The following MPPED2 variants were observed in gnomAD, a reference collection of about 807,000 sequenced individuals.
MPPED2 encodes the protein metallophosphoesterase domain containing 2.
MPPED2 carries 5 observed loss-of-function variants against 33.0 expected under a neutral mutation model. The observed-to-expected ratio is 0.15, with a 90% CI of 0.08 to 0.32. MPPED2 has a LOEUF of 0.32. MPPED2 is among the 10% of genes least tolerant of loss of function. MPPED2 has a pLI of 1.00. For synonymous variants in MPPED2, 136 were observed against 141.9 expected, an observed-to-expected ratio of 0.96 and a Z score of 0.29; for missense variants, 275 against 372.1, an observed-to-expected ratio of 0.74 and a Z score of 2.15.
chr11:30,513,751 G>A (rs1402360056), intron 3 of MPPED2, among the ~76,000 whole-genome samples: 1 of 151,552 alleles, frequency 6.6e-6, no homozygotes, highest in Non-Finnish European at 1.5e-5. Context: ...GGTATAACAT[G>A]GACAAAAGAG....
chr11:30,509,757 C>T (rs1385069681), intron 3 of MPPED2, among the ~76,000 whole-genome samples: 3 of 152,092 alleles, frequency 2.0e-5, no homozygotes, highest in East Asian at 1.9e-4. Context: ...CCAGGCTTAC[C>T]AAAATTCCAA....
In MPPED2 at chr11:30,538,055, A is replaced by G. The variant is rs569598040; in HGVS notation, c.129-1880T>C. On this transcript the variant is annotated intron_variant, in intron 2 of 6. Transcript: ENST00000358117. ...GACTGTGTCACTCTCTAAAAGTGAT[A>G]AGCAATATCCCTATACCAATAGTTA... 3.9e-5 allele frequency among the ~76,000 whole-genome samples: 6 copies of G among 152,294 alleles called. No individual in the cohort carries two copies. The East Asian group carries it at 1.2e-3, about 29-fold the overall frequency.
At chr11:30,586,692 A>T (rs1426151205), upstream of MPPED2, 1 of 152,254 alleles carries the variant, frequency 6.6e-6, no homozygotes, top group African/African-American at 2.4e-5. This position sits in a 1 kb window ranked among gnomAD's most constrained non-coding sequence, Gnocchi z 4.8. Context: ...CTTTCTCCCA[A>T]ATGGTGTTCT....
chr11:30,528,996 G>A (rs1431174712), intron 3 of MPPED2, among the ~76,000 whole-genome samples: 1 of 152,166 alleles, frequency 6.6e-6, no homozygotes, highest in Non-Finnish European at 1.5e-5. Context: ...GAGAGAGCAA[G>A]AAAGATGTTC....
At chr11:30,384,474 C>CTTTTTTTTTTTTTT (rs200252636), downstream of MPPED2, 13 of 131,328 alleles carry the variant, frequency 9.9e-5, no homozygotes, top group East Asian at 4.4e-4. Flanking sequence ...TTTCTTTTTT[C>CTTTTTTTTTTTTTT]TTTTTTTTTT....
intron 2 of MPPED2, among the ~76,000 whole-genome samples, chr11:30,544,086 G>C (rs1955281233): frequency 6.6e-6 from 1 of 152,084 alleles, no homozygotes; most frequent in Admixed American, 6.6e-5. Flanking sequence ...ATGTTAAGTG[G>C]TAACAATTTA....
At chr11:30,553,003 A>G (rs1955788135) in intron 2 of MPPED2, among the ~76,000 whole-genome samples, 1 of 152,188 alleles carries the variant, frequency 6.6e-6, no homozygotes, top group Admixed American at 6.5e-5. Context: ...GATAAATAAA[A>G]TAATGTTCTC....
chr11:30,451,858 G>C (rs1350904417), intron 4 of MPPED2: 1 of 984,830 alleles, frequency 1.0e-6, no homozygotes, highest in Admixed American at 6.2e-5. Context: ...TGGAGATCTG[G>C]AGACAGCAGA....
downstream of MPPED2, among the ~76,000 whole-genome samples, chr11:30,408,552 C>T (rs1316507228): frequency 1.3e-5 from 2 of 152,052 alleles, no homozygotes; most frequent in Non-Finnish European, 2.9e-5. Flanking sequence ...CCTTGTGATC[C>T]GCCCGCCTCA....
chr11:30,478,625 ATGT>A (rs1951329252), intron 4 of MPPED2, among the ~76,000 whole-genome samples: 1 of 152,114 alleles, frequency 6.6e-6, no homozygotes, highest in Non-Finnish European at 1.5e-5. Context: ...CTAAAAACAA[ATGT>A]TGTCAGTATC....
At chr11:30,568,816 G>C (rs916162739) in intron 2 of MPPED2, among the ~76,000 whole-genome samples, 2 of 152,100 alleles carry the variant, frequency 1.3e-5, no homozygotes, top group Non-Finnish European at 2.9e-5. Flanking sequence ...GAATTGCAAA[G>C]GTTCTTTCAG....
intron 2 of MPPED2, among the ~76,000 whole-genome samples, chr11:30,577,484 C>T (rs769124680): frequency 2.9e-4 from 44 of 152,222 alleles, no homozygotes; most frequent in Admixed American, 7.9e-4. Flanking sequence ...ATCTTTACCT[C>T]GGGGAGAGGA....
chr11:30,424,341 A>G lies in MPPED2; in HGVS notation c.537-6708T>C, dbSNP rs1412565567. On this transcript the variant is annotated intron_variant, in intron 4 of 6. Transcript: ENST00000358117. ...AGAAACCGGGAGCCAATTTTCACAT[A>G]CGCTTTCTTTTCTAAATGGTAGCCC... Among the ~76,000 whole-genome samples, 4 of 152,122 alleles carry G rather than the reference A, an allele frequency of 2.6e-5. No individual in the cohort carries two copies. In the South Asian group the frequency reaches 6.2e-4, roughly 24 times the overall value.
chr11:30,538,901 G>A (rs551230255), intron 2 of MPPED2, among the ~76,000 whole-genome samples: 1 of 152,212 alleles, frequency 6.6e-6, no homozygotes, highest in East Asian at 1.9e-4. Context: ...CTATCCATAG[G>A]AATAAGTACA....
At chr11:30,497,672 A>T (rs1477562920) in intron 3 of MPPED2, among the ~76,000 whole-genome samples, 1 of 150,658 alleles carries the variant, frequency 6.6e-6, no homozygotes, top group Admixed American at 6.6e-5. Context: ...CAAAGGAAGT[A>T]TATTTTCCCC....
chr11:30,535,875 C>A (rs1954782484), intron 3 of MPPED2, 119 bp downstream of exon 3: 1 of 730,570 alleles, frequency 1.4e-6, no homozygotes, highest in South Asian at 2.5e-5. Context: ...GACACCACCG[C>A]ATATCATACG....
Position 30,415,559 on chromosome 11 carries a change from A to C in MPPED2, c.653-1218T>G, listed in dbSNP as rs372993414. 4.3e-4 allele frequency among the ~76,000 whole-genome samples: 66 copies of C among 152,300 alleles called. No homozygotes were observed. In the South Asian group the frequency reaches 0.013, roughly 30 times the overall value. ...CTCCCCTCTCCAATGTCACGTTTTC[A>C]CAAGAATCCCAATAGCTATATTAAC... On this transcript the variant is annotated intron_variant, in intron 5 of 6. Coordinates refer to ENST00000358117, the MANE Select transcript of MPPED2 (RefSeq NM_001584.3).
At chr11:30,483,580 T>C (rs1951588033) in intron 4 of MPPED2, among the ~76,000 whole-genome samples, 1 of 152,222 alleles carries the variant, frequency 6.6e-6, no homozygotes, top group Non-Finnish European at 1.5e-5. Context: ...GGTTTTAGTC[T>C]AGCATCTTTT....
chr11:30,510,744 C>T (rs990564993), intron 3 of MPPED2, among the ~76,000 whole-genome samples: 7 of 152,094 alleles, frequency 4.6e-5, no homozygotes, highest in Admixed American at 1.3e-4. Context: ...TACTTTGGAG[C>T]GTTCTGACCG....
Sources: gnomAD v4.1 joint callset for allele counts (sites outside exome capture counted in the v4.1 genomes callset) on GRCh38, gnomAD v4.1.1 for gene constraint, Gnocchi (gnomAD v3.1) non-coding constraint, MANE v1.5 for transcripts, NCBI Gene and HGNC (gene_info 2026-07-23, HGNC 2026-07-21) for gene names.